Variants in DGCR8 observed in about 807,000 individuals in gnomAD.
DGCR8 encodes microprocessor complex subunit DGCR8.
A neutral mutation model predicts 78.5 loss-of-function variants in DGCR8; 14 were observed. The ratio of observed to expected loss-of-function variants is 0.18; its 90% CI spans 0.12 to 0.28. DGCR8 has a LOEUF of 0.28. Among genes scored for constraint, DGCR8 ranks in the 10% least tolerant of loss-of-function variants. The probability of loss-of-function intolerance (pLI) is 1.00; values close to 1 mark genes in which losing one functional copy is unlikely to be tolerated. For synonymous variants in DGCR8, 399 were observed against 402.4 expected (o/e 0.99, Z 0.10); for missense variants, 702 against 1,022.5 (o/e 0.69, Z 4.28).
At position 20,086,548 on chromosome 22, in the gene DGCR8, G is replaced by A; in HGVS notation, c.585G>A (p.Glu195=). 6.2e-7 allele frequency: 1 copy of A among 1,614,028 alleles called. No homozygotes were observed. The highest frequency in any genetic ancestry group is 8.5e-7 in the Non-Finnish European group (1 of 1,180,022). The change falls in exon 2 of 14, where the codon GAG becomes GAA. Residue 195 remains glutamate, a synonymous_variant. Coordinates refer to ENST00000351989, the MANE Select transcript of DGCR8 (RefSeq NM_022720.7). The surrounding 1 kb of genome is among the most constrained non-coding windows in gnomAD (Gnocchi z 6.4). ...AGCTGGATCAGGAAAAGAGAGTGGA[G>A]TATGCAGTGCTCGATGAGTTAGAAG... is the stretch of plus-strand genomic sequence containing the variant. ...ENELDQEKRV[E]YAVLDELEDF...
intron 9 of DGCR8, among the ~76,000 whole-genome samples, chr22:20,095,565 A>AT (rs34273733): frequency 1.3e-5 from 2 of 152,142 alleles, no homozygotes; most frequent in Non-Finnish European, 2.9e-5. Context: ...GTAACAAACA[A>AT]TTGATTAATA....
chr22:20,102,047 TATTAA>T (rs2049708680), intron 9 of DGCR8: 1 of 985,370 alleles, frequency 1.0e-6, no homozygotes, highest in Non-Finnish European at 1.2e-6. Context: ...GGTTCATGGC[TATTAA>T]ATTTAGGTAT....
At chr22:20,100,663 TGTGAA>T in intron 9 of DGCR8, 1 of 985,422 alleles carries the variant, frequency 1.0e-6, no homozygotes, top group Non-Finnish European at 1.2e-6. Context: ...GGGGTTCTTC[TGTGAA>T]GTGGAGAGGC....
intron 1 of DGCR8, among the ~76,000 whole-genome samples, chr22:20,082,780 A>C (rs2049433034): frequency 6.6e-6 from 1 of 152,236 alleles, no homozygotes; most frequent in South Asian, 2.1e-4. Flanking sequence ...GACCTTGAGC[A>C]TGTGGGTGAA....
At chr22:20,081,600 A>G (rs908592265) in intron 1 of DGCR8, among the ~76,000 whole-genome samples, 1 of 152,116 alleles carries the variant, frequency 6.6e-6, no homozygotes, top group African/African-American at 2.4e-5. Context: ...GCCCAGTCTT[A>G]GACTCTCTTG....
In DGCR8 at chr22:20,082,240, A is replaced by G. The variant is rs184161807; in HGVS notation, c.-278+1857A>G. On this transcript the variant is annotated intron_variant, in intron 1 of 13. Coordinates refer to ENST00000351989, the MANE Select transcript of DGCR8 (RefSeq NM_022720.7). ...ACGCCCGGCTGATTTTTGTATTTTTAGTAGAGACGGGGTTTCACCATGTTG... is the reference window on the plus strand; with the variant it reads ...ACGCCCGGCTGATTTTTGTATTTTTGGTAGAGACGGGGTTTCACCATGTTG... Among the ~76,000 whole-genome samples the G allele has an allele frequency of 4.0e-5, 6 of 148,890 alleles. No homozygotes were observed. The East Asian group carries it at 1.0e-3, about 25-fold the overall frequency.
At chr22:20,099,444 G>T (rs1484481735) in intron 9 of DGCR8, among the ~76,000 whole-genome samples, 1 of 152,210 alleles carries the variant, frequency 6.6e-6, no homozygotes, top group Non-Finnish European at 1.5e-5. Flanking sequence ...TTTTCCAGAG[G>T]GTGGCCAGGT....
intron 9 of DGCR8, chr22:20,096,416 A>C: frequency 4.1e-6 from 4 of 984,852 alleles, no homozygotes; most frequent in Non-Finnish European, 3.6e-6. Flanking sequence ...AGGGTCAGCC[A>C]TGTGAAGAAC....
chr22:20,094,770 A>G lies in DGCR8; in HGVS notation c.1763A>G (p.Lys588Arg), dbSNP rs35569747. 7.2e-3 allele frequency: 11,650 copies of G among 1,614,092 alleles called. 50 individuals are homozygous for G. The highest frequency in any genetic ancestry group is 0.016 in the Middle Eastern group (94 of 6,058). ...TTTGTTAAACAGACCTCTGAAGAGAAGCCCAAAGACAGTGAAGAACTCGAG... is the reference window on the plus strand; with the variant it reads ...TTTGTTAAACAGACCTCTGAAGAGAGGCCCAAAGACAGTGAAGAACTCGAG... ...PDFVKQTSEE[K>R]PKDSEELEYF... Residue 588 changes from lysine to arginine, a missense_variant, in exon 9 of 14, where the codon AAG (lysine) becomes AGG (arginine). Coordinates refer to ENST00000351989, the MANE Select transcript of DGCR8 (RefSeq NM_022720.7).
intron 1 of DGCR8, 150 bp downstream of exon 1, chr22:20,080,533 C>T (rs2049405337): frequency 1.0e-6 from 1 of 971,458 alleles, no homozygotes; most frequent in Admixed American, 6.2e-5. Context: ...GCAACATGGC[C>T]GCGGGCGGTG....
At chr22:20,093,533 G>C (rs940556586) in intron 8 of DGCR8, among the ~76,000 whole-genome samples, 4 of 152,240 alleles carry the variant, frequency 2.6e-5, no homozygotes, top group African/African-American at 9.6e-5. Context: ...ACATGCTGTA[G>C]TGCTTGTTTG....
chr22:20,109,947 TCTCC>T (rs1296064240), intron 13 of DGCR8, 74 bp from the exon 14 acceptor site: 15 of 1,406,490 alleles, frequency 1.1e-5, no homozygotes, highest in Non-Finnish European at 1.5e-5. Context: ...TCTGCTGGGC[TCTCC>T]CTCCACCTTG....
chr22:20,094,177 C>T (rs563947966), intron 8 of DGCR8, among the ~76,000 whole-genome samples: 1 of 152,316 alleles, frequency 6.6e-6, no homozygotes, highest in East Asian at 1.9e-4. Context: ...CATGTCTTGC[C>T]AGCACTGATA....
At chr22:20,094,911 G>A (rs2049610533) in intron 9 of DGCR8, 116 bp downstream of exon 9, 8 of 833,156 alleles carry the variant, frequency 9.6e-6, no homozygotes, top group Non-Finnish European at 1.2e-5. Context: ...TGCCCTGTAG[G>A]TTAGTCTCAT....
In DGCR8 at chr22:20,087,925, C is replaced by T. The variant is rs1454193516; in HGVS notation, c.880+604C>T. On this transcript the variant is annotated intron_variant, in intron 3 of 13. Transcript: ENST00000351989. The surrounding 1 kb of genome is among the most constrained non-coding windows in gnomAD (Gnocchi z 4.1). ...GAGTTGCACTGTGAGGCTCTGTCAT[C>T]GATGTGGTGCAGGTGTTGGGGGAGT... Among the ~76,000 whole-genome samples the T allele has an allele frequency of 6.6e-6, 1 of 151,958 alleles. No individual in the cohort carries two copies. Among genetic ancestry groups the T allele is most frequent in the Non-Finnish European group, 1.5e-5 (1 of 67,976 alleles).
At chr22:20,084,351 T>C (rs986373091) in intron 1 of DGCR8, among the ~76,000 whole-genome samples, 12 of 152,240 alleles carry the variant, frequency 7.9e-5, no homozygotes, top group African/African-American at 2.7e-4. Flanking sequence ...CGTGTTCCTG[T>C]GCACGTTGTG....
chr22:20,094,815 C>T lies in DGCR8; in HGVS notation c.1788+20C>T, dbSNP rs1193266580. 29 of 1,609,554 alleles carry T rather than the reference C, an allele frequency of 1.8e-5. No homozygotes were observed. The Admixed American group carries it at 4.8e-4, about 27-fold the overall frequency. On this transcript the variant is annotated intron_variant, in intron 9 of 13. Coordinates refer to ENST00000351989, the MANE Select transcript of DGCR8 (RefSeq NM_022720.7). ...CTCGAGGTGAGTGTTGTGGTCCTGC[C>T]CTGCTGGGAGCTGTGTGTGCAGTGC...
At chr22:20,092,508 G>A (rs1479668108) in intron 7 of DGCR8, among the ~76,000 whole-genome samples, 1 of 152,166 alleles carries the variant, frequency 6.6e-6, no homozygotes, top group Non-Finnish European at 1.5e-5. Context: ...TCCTGTGTCC[G>A]TCTTTCGTAG....
chr22:20,098,110 A>G (rs551017096), intron 9 of DGCR8, among the ~76,000 whole-genome samples: 73 of 148,430 alleles, frequency 4.9e-4, no homozygotes, highest in African/African-American at 1.8e-3. Context: ...CTGGTGACAG[A>G]GCGAGACTCC....
Sources: allele counts gnomAD v4.1 joint callset (sites outside exome capture counted in the v4.1 genomes callset), GRCh38; gene constraint gnomAD v4.1.1; non-coding constraint Gnocchi (gnomAD v3.1); transcripts MANE v1.5; gene names NCBI Gene and HGNC (gene_info 2026-07-23, HGNC 2026-07-21).